Variants in REEP5 observed in about 807,000 individuals in gnomAD.
The protein encoded by REEP5 is receptor accessory protein 5, also known as receptor expression-enhancing protein 5.
In REEP5, 24 loss-of-function variants were observed where a neutral mutation model predicts 22.4. That is an observed-to-expected ratio of 1.07 (90% CI 0.78 to 1.51). The LOEUF is 1.51. Among genes scored for constraint, REEP5 ranks in the 40% most tolerant of loss-of-function variants. REEP5 has a pLI of 0.00. For missense variants in REEP5, 252 were observed against 233.0 expected, an observed-to-expected ratio of 1.08 and a Z score of -0.53; for synonymous variants, 103 against 88.6, an observed-to-expected ratio of 1.16 and a Z score of -0.92.
chr5:112,876,931 A>G lies in REEP5; in HGVS notation c.*1855T>C, dbSNP rs900870869. 1 of 152,208 alleles carries G rather than the reference A, an allele frequency of 6.6e-6. No homozygotes were observed. The highest frequency in any genetic ancestry group is 1.5e-5 in the Non-Finnish European group (1 of 68,028). 9.4% of individuals were successfully genotyped at this position (152,208 alleles called of 1,614,324 possible). On this transcript the variant is annotated 3_prime_UTR_variant, in exon 5 of 5. Transcript: ENST00000379638. ...CTTTTGTACCTCCTCATCTTGTCTG[A>G]TAATATATTCTATATGCTGTCAATC...
intron 4 of REEP5, among the ~76,000 whole-genome samples, chr5:112,886,486 T>C (rs1768249878): frequency 6.6e-6 from 1 of 152,206 alleles, no homozygotes; most frequent in Admixed American, 6.5e-5. Flanking sequence ...TTAGGTCCTT[T>C]AGTTTTCTTC....
chr5:112,901,101 A>C (rs1306605968), intron 3 of REEP5, among the ~76,000 whole-genome samples: 1 of 152,098 alleles, frequency 6.6e-6, no homozygotes, highest in Admixed American at 6.5e-5. Flanking sequence ...GGCCTCCCAA[A>C]GTGCTAGAAT....
chr5:112,906,426 A>C (rs190208681), intron 2 of REEP5, among the ~76,000 whole-genome samples: 49 of 152,366 alleles, frequency 3.2e-4, no homozygotes, highest in African/African-American at 9.4e-4. Context: ...GTAGGCATTT[A>C]ATATTTATTG....
intron 3 of REEP5, chr5:112,894,374 T>G (rs1768613385): frequency 6.6e-6 from 1 of 152,248 alleles, no homozygotes; most frequent in South Asian, 2.1e-4. Context: ...CTTGGCCTCC[T>G]AATGTGCTTA....
chr5:112,919,601 T>C (rs1046639033), intron 2 of REEP5, among the ~76,000 whole-genome samples: 1 of 152,074 alleles, frequency 6.6e-6, no homozygotes, highest in Non-Finnish European at 1.5e-5. Context: ...AGCTCTGCCC[T>C]CATGCATGGG....
intron 3 of REEP5, chr5:112,896,476 T>G (rs1203081924): frequency 1.3e-5 from 2 of 151,520 alleles, no homozygotes; most frequent in African/African-American, 4.9e-5. Context: ...TGAGCAGAGA[T>G]CACGCCACTT....
chr5:112,920,846 G>C (rs779043297), intron 2 of REEP5, among the ~76,000 whole-genome samples: 3 of 152,188 alleles, frequency 2.0e-5, no homozygotes, highest in Admixed American at 6.5e-5. Flanking sequence ...TCAGCTCCCT[G>C]TACCTTCTGA....
intron 2 of REEP5, among the ~76,000 whole-genome samples, chr5:112,908,006 C>T (rs1561657570): frequency 6.7e-6 from 1 of 149,440 alleles, no homozygotes; most frequent in African/African-American, 2.5e-5. Context: ...AAGGTCTTTC[C>T]AATGAGTATG....
intron 3 of REEP5, among the ~76,000 whole-genome samples, chr5:112,901,505 T>G (rs1428095087): frequency 6.6e-6 from 1 of 151,842 alleles, no homozygotes; most frequent in Non-Finnish European, 1.5e-5. Context: ...GGTCAGGAGT[T>G]CGAGAGCACC....
At chr5:112,893,054 C>T (rs756540897) in intron 3 of REEP5, 23 of 1,261,294 alleles carry the variant, frequency 1.8e-5, no homozygotes, top group Non-Finnish European at 2.6e-5. Flanking sequence ...AGAGACAGAA[C>T]TGTTCAGAGT....
intron 2 of REEP5, among the ~76,000 whole-genome samples, chr5:112,907,754 T>G (rs1768986256): frequency 6.6e-6 from 1 of 152,222 alleles, no homozygotes; most frequent in African/African-American, 2.4e-5. Context: ...CATGTGTATG[T>G]AAAGGGCAGT....
intron 4 of REEP5, among the ~76,000 whole-genome samples, chr5:112,884,082 C>T (rs1052350453): frequency 6.6e-6 from 1 of 152,212 alleles, no homozygotes; most frequent in African/African-American, 2.4e-5. Flanking sequence ...CTGCCTTACC[C>T]CTTCAGTCTG....
Position 112,922,196 on chromosome 5 carries a change from G to T in REEP5, c.-6C>A. On this transcript the variant is annotated 5_prime_UTR_variant, in exon 1 of 5. Coordinates refer to ENST00000379638, the MANE Select transcript of REEP5 (RefSeq NM_005669.5). ...TCCCTCATGGCCGCAGACATGGCGG[G>T]GACCGTCTCGCCGCTCGGGGCTGTT... 6.2e-7 allele frequency: 1 copy of T among 1,603,070 alleles called. No individual in the cohort carries two copies. The highest frequency in any genetic ancestry group is 8.5e-7 in the Non-Finnish European group (1 of 1,174,936).
At chr5:112,894,894 T>C (rs1768631255) in intron 3 of REEP5, 1 of 152,172 alleles carries the variant, frequency 6.6e-6, no homozygotes, top group Non-Finnish European at 1.5e-5. Context: ...GATGTCCATA[T>C]TAAAACCAGA....
At position 112,917,847 on chromosome 5, in the gene REEP5, G is replaced by A. The variant is rs537231287; in HGVS notation, c.212+3316C>T. 2.0e-5 allele frequency among the ~76,000 whole-genome samples: 3 copies of A among 152,324 alleles called. No homozygotes were observed. In the East Asian group the frequency reaches 5.8e-4, roughly 29 times the overall value. ...GCAGATTAGTGGTTTCCAGGGGCTG[G>A]GTAGGAGGAATAGGGAGTGATTGGT... On this transcript the variant is annotated intron_variant, in intron 2 of 4. Transcript: ENST00000379638.
chr5:112,878,673 C>T lies in REEP5; in HGVS notation c.*113G>A. The T allele has an allele frequency of 1.4e-6, 2 of 1,445,204 alleles. No individual in the cohort carries two copies. Among genetic ancestry groups the T allele is most frequent in the South Asian group, 2.6e-5 (2 of 76,914 alleles). 89.5% of individuals were successfully genotyped at this position (1,445,204 alleles called of 1,614,324 possible). On this transcript the variant is annotated 3_prime_UTR_variant, in exon 5 of 5. Transcript: ENST00000379638. The stretch of plus-strand genomic sequence containing the variant: ...CAACACATTCCAATCTTTAATATCT[C>T]AAAAATGTTTCCAAGGCAACATTAT...
chr5:112,920,927 AC>A (rs1769342339), intron 2 of REEP5, among the ~76,000 whole-genome samples: 1 of 152,212 alleles, frequency 6.6e-6, no homozygotes. Context: ...AAGAGAGGGG[AC>A]ACTGGTCACC....
At chr5:112,911,984 G>GAC (rs898155209) in intron 2 of REEP5, among the ~76,000 whole-genome samples, 4 of 152,128 alleles carry the variant, frequency 2.6e-5, no homozygotes, top group African/African-American at 9.7e-5. Flanking sequence ...AAAGCTTAAT[G>GAC]ACACAAAGTT....
At chr5:112,880,498 C>G (rs1768038205) in intron 4 of REEP5, among the ~76,000 whole-genome samples, 1 of 152,178 alleles carries the variant, frequency 6.6e-6, no homozygotes, top group Non-Finnish European at 1.5e-5. Context: ...CTGATAGTTG[C>G]TCTCCCTTTG....
Sources: gnomAD v4.1 joint callset for allele counts (sites outside exome capture counted in the v4.1 genomes callset) on GRCh38, gnomAD v4.1.1 for gene constraint, MANE v1.5 for transcripts, NCBI Gene and HGNC (gene_info 2026-07-23, HGNC 2026-07-21) for gene names.